Variants in PLA2G5 observed in about 807,000 individuals in gnomAD.
PLA2G5 encodes the protein phospholipase A2 group V.
In PLA2G5, 12 loss-of-function variants were observed where a neutral mutation model predicts 15.9. The ratio of observed to expected loss-of-function variants is 0.76; its 90% CI spans 0.48 to 1.23. The LOEUF (loss-of-function observed/expected upper bound fraction) is 1.23. Ranked by LOEUF, PLA2G5 falls within the 50% of genes most tolerant of loss-of-function variation. PLA2G5 has a pLI of 0.00. For missense variants in PLA2G5, 169 were observed against 177.1 expected (o/e 0.95, Z 0.26); for synonymous variants, 71 against 71.4 (o/e 0.99, Z 0.03).
At chr1:20,063,167 C>T (rs1182220048) in intron 2 of PLA2G5, among the ~76,000 whole-genome samples, 1 of 152,056 alleles carries the variant, frequency 6.6e-6, no homozygotes, top group Non-Finnish European at 1.5e-5. Context: ...TACTCTAGCC[C>T]AGGCAACAGA....
At chr1:20,085,949 T>A (rs1350876171) in intron 2 of PLA2G5, 134 bp from the exon 3 acceptor site, 4 of 799,904 alleles carry the variant, frequency 5.0e-6, no homozygotes, top group Non-Finnish European at 5.9e-6. Context: ...TTCCCACTAA[T>A]GGAGAGAATA....
chr1:20,050,876 G>A (rs1017170777), intron 1 of PLA2G5, among the ~76,000 whole-genome samples: 1 of 151,498 alleles, frequency 6.6e-6, no homozygotes, highest in African/African-American at 2.4e-5. Context: ...TAAGATATTA[G>A]ATTCCCTGAA....
chr1:20,064,334 G>A (rs950384464), intron 2 of PLA2G5, among the ~76,000 whole-genome samples: 2 of 152,210 alleles, frequency 1.3e-5, no homozygotes, highest in Non-Finnish European at 2.9e-5. Flanking sequence ...AGCACTTTGG[G>A]AGGCTGAGGC....
At chr1:20,084,963 CTT>C in intron 2 of PLA2G5, 93 bp downstream of exon 2, 2 of 908,038 alleles carry the variant, frequency 2.2e-6, no homozygotes, top group South Asian at 2.6e-5. Flanking sequence ...GTCGTAGAGA[CTT>C]GGGTTTGAAT....
chr1:20,078,338 G>A (rs921041266), intron 1 of PLA2G5, among the ~76,000 whole-genome samples: 1 of 151,694 alleles, frequency 6.6e-6, no homozygotes, highest in Admixed American at 6.6e-5. Flanking sequence ...AAAAGAAGTA[G>A]AATTGTCCCT....
chr1:20,084,634 G>A (rs2100614902), intron 1 of PLA2G5, among the ~76,000 whole-genome samples, 187 bp from the exon 2 acceptor site: 1 of 152,252 alleles, frequency 6.6e-6, no homozygotes, highest in African/African-American at 2.4e-5. Context: ...TTGTCCCTCT[G>A]CCTCCAGGGC....
chr1:20,056,699 A>G (rs1340748415), intron 1 of PLA2G5, among the ~76,000 whole-genome samples: 2 of 152,056 alleles, frequency 1.3e-5, no homozygotes, highest in East Asian at 3.9e-4. Flanking sequence ...ATCTTTGTCT[A>G]GTTTTGGTGT....
intron 1 of PLA2G5, among the ~76,000 whole-genome samples, chr1:20,029,350 C>CGTTCCTCCGCTGACAT (rs879407015): frequency 0.076 from 11,436 of 149,658 alleles, 598 homozygotes; most frequent in East Asian, 0.2. Context: ...TCCCCTGATA[C>CGTTCCTCCGCTGACAT]GTTCCTCCGC....
intron 1 of PLA2G5, among the ~76,000 whole-genome samples, chr1:20,046,378 G>A (rs1178820524): frequency 6.6e-6 from 1 of 152,110 alleles, no homozygotes; most frequent in Non-Finnish European, 1.5e-5. Context: ...CCTTGCAACT[G>A]CAAAAGAGGA....
chr1:20,045,143 A>G (rs917120478), intron 1 of PLA2G5, among the ~76,000 whole-genome samples: 3 of 152,160 alleles, frequency 2.0e-5, no homozygotes, highest in Admixed American at 6.5e-5. Context: ...TAAGGCATTT[A>G]GGTTTTAGGT....
At position 20,089,901 on chromosome 1, in the gene PLA2G5, G is replaced by A. The variant is rs1258443100; in HGVS notation, c.292+6G>A. The A allele has an allele frequency of 6.2e-7, 1 of 1,603,684 alleles. No individual in the cohort carries two copies. Among genetic ancestry groups the A allele is most frequent in the East Asian group, 2.2e-5 (1 of 44,662 alleles). On this transcript the variant is annotated splice_donor_region_variant and intron_variant, in intron 4 of 4. Coordinates refer to ENST00000375108, the MANE Select transcript of PLA2G5 (RefSeq NM_000929.3). ...GTGGGGCGTGGTCACCTGCGGTAAG[G>A]CTGGGGCTTCCCGTTCGGGCCATTG... is the stretch of plus-strand genomic sequence containing the variant.
intron 1 of PLA2G5, among the ~76,000 whole-genome samples, chr1:20,057,128 T>G (rs2100441122): frequency 6.6e-6 from 1 of 152,180 alleles, no homozygotes; most frequent in African/African-American, 2.4e-5. Flanking sequence ...TGGCTAGAGA[T>G]TTATAATTTT....
chr1:20,041,329 A>G (rs2013585513), intron 1 of PLA2G5, among the ~76,000 whole-genome samples: 1 of 152,232 alleles, frequency 6.6e-6, no homozygotes, highest in Admixed American at 6.5e-5. Context: ...TTTGTGTGAG[A>G]AATAAAGCTT....
chr1:20,084,944 G>C, intron 2 of PLA2G5, 74 bp downstream of exon 2: 1 of 1,003,754 alleles, frequency 1.0e-6, no homozygotes, highest in Non-Finnish European at 1.6e-6. Flanking sequence ...AAGGACACCA[G>C]CCATTGAGGT....
chr1:20,039,174 G>A (rs1044395916), intron 1 of PLA2G5, among the ~76,000 whole-genome samples: 2 of 152,148 alleles, frequency 1.3e-5, no homozygotes, highest in Non-Finnish European at 2.9e-5. Flanking sequence ...TGTGACCGGA[G>A]GCCTGAATTG....
At chr1:20,081,599 A>G (rs2016030208) in intron 1 of PLA2G5, among the ~76,000 whole-genome samples, 2 of 151,334 alleles carry the variant, frequency 1.3e-5, no homozygotes, top group Non-Finnish European at 2.9e-5. Flanking sequence ...TGTCAGTGGA[A>G]CTCCAGGCTT....
intron 3 of PLA2G5, among the ~76,000 whole-genome samples, chr1:20,089,186 G>T (rs2016441679): frequency 6.6e-6 from 1 of 152,170 alleles, no homozygotes; most frequent in Non-Finnish European, 1.5e-5. Context: ...TGTATTGTTT[G>T]GGAATAATGA....
chr1:20,033,459 CAGGAGGGAT>C (rs1277483861), intron 1 of PLA2G5, among the ~76,000 whole-genome samples: 1 of 152,086 alleles, frequency 6.6e-6, no homozygotes, highest in African/African-American at 2.4e-5. Context: ...AGCAAGATGA[CAGGAGGGAT>C]AGAAGGGATT....
intron 1 of PLA2G5, among the ~76,000 whole-genome samples, chr1:20,047,718 TTGTGTGTGTG>T (rs57199460): frequency 0.097 from 14,238 of 147,180 alleles, 1,012 homozygotes; most frequent in African/African-American, 0.21. Flanking sequence ...TATAGGATCT[TTGTGTGTGTG>T]TGTGTGTGTG....
Sources: gnomAD v4.1 joint callset for allele counts (sites outside exome capture counted in the v4.1 genomes callset) on GRCh38, gnomAD v4.1.1 for gene constraint, MANE v1.5 for transcripts, NCBI Gene and HGNC (gene_info 2026-07-23, HGNC 2026-07-21) for gene names.